Variants in ARHGAP15 observed in about 807,000 individuals in gnomAD.
The protein encoded by ARHGAP15 is rho GTPase-activating protein 15.
A neutral mutation model predicts 63.7 loss-of-function variants in ARHGAP15; 51 were observed. That is an observed-to-expected ratio of 0.80 (90% CI 0.64 to 1.01). ARHGAP15 has a LOEUF of 1.01. Among genes scored for constraint, ARHGAP15 ranks in the 50% least tolerant of loss-of-function variants. The pLI, the probability that ARHGAP15 is intolerant of heterozygous loss-of-function variation, is 0.00. For missense variants in ARHGAP15, 560 were observed against 564.6 expected (o/e 0.99, Z 0.08); for synonymous variants, 191 against 193.8 (o/e 0.99, Z 0.12).
At chr2:143,326,716 T>A (rs1322094650) in intron 6 of ARHGAP15, among the ~76,000 whole-genome samples, 1 of 152,106 alleles carries the variant, frequency 6.6e-6, no homozygotes, top group Admixed American at 6.6e-5. Context: ...AAAGCAACAC[T>A]CCTTCATGCT....
At chr2:143,719,589 C>T (rs928272675) in intron 13 of ARHGAP15, among the ~76,000 whole-genome samples, 11 of 152,172 alleles carry the variant, frequency 7.2e-5, no homozygotes, top group African/African-American at 2.4e-4. Flanking sequence ...TCCAGAGCCA[C>T]GTACTTCCCC....
chr2:143,619,667 A>G (rs375830941), intron 11 of ARHGAP15, among the ~76,000 whole-genome samples: 1 of 152,032 alleles, frequency 6.6e-6, no homozygotes, highest in East Asian at 1.9e-4. Context: ...TGGGGGAGGG[A>G]CCTGGTGGGA....
chr2:143,465,739 T>G (rs1229488214), intron 8 of ARHGAP15, among the ~76,000 whole-genome samples: 4 of 152,138 alleles, frequency 2.6e-5, no homozygotes, highest in African/African-American at 9.6e-5. Flanking sequence ...TCACTACTTT[T>G]TGACATGTCG....
At chr2:143,728,241 C>CT (rs748061762) in intron 13 of ARHGAP15, among the ~76,000 whole-genome samples, 4 of 152,110 alleles carry the variant, frequency 2.6e-5, no homozygotes, top group Non-Finnish European at 5.9e-5. Flanking sequence ...TACTTTTGTG[C>CT]TTTTTTTCCC....
intron 2 of ARHGAP15, among the ~76,000 whole-genome samples, chr2:143,178,120 C>A (rs1691079920): frequency 6.6e-6 from 1 of 152,090 alleles, no homozygotes; most frequent in Admixed American, 6.6e-5. Flanking sequence ...GCAAACGAAG[C>A]CTCTGCTTTC....
At chr2:143,319,805 A>G (rs1160164165) in intron 6 of ARHGAP15, among the ~76,000 whole-genome samples, 2 of 152,182 alleles carry the variant, frequency 1.3e-5, no homozygotes, top group East Asian at 3.9e-4. Context: ...AAAAATAATA[A>G]ATAACAGGTG....
In ARHGAP15 at chr2:143,211,185, A is replaced by G. The variant is rs137941201; in HGVS notation, c.235-5199A>G. Among the ~76,000 whole-genome samples, 163 of 152,258 alleles carry G rather than the reference A, an allele frequency of 1.1e-3. 1 individual carries two copies. Among genetic ancestry groups the G allele is most frequent in the African/African-American group, 3.9e-3 (160 of 41,554 alleles). The stretch of plus-strand genomic sequence containing the variant: ...GCATGAATAGCAGAGACAGTATGGG[A>G]ATAAGTGAATATTGAGAAGAAAATG... On this transcript the variant is annotated intron_variant, in intron 3 of 13. Transcript: ENST00000295095.
chr2:143,233,983 C>T (rs1280012432), intron 5 of ARHGAP15, among the ~76,000 whole-genome samples: 1 of 151,868 alleles, frequency 6.6e-6, no homozygotes, highest in African/African-American at 2.4e-5. Flanking sequence ...TTTTACATTC[C>T]CTCTCTCATT....
chr2:143,195,936 C>T lies in ARHGAP15; in HGVS notation c.166-6198C>T, dbSNP rs539442655. On this transcript the variant is annotated intron_variant, in intron 2 of 13. Coordinates refer to ENST00000295095, the MANE Select transcript of ARHGAP15 (RefSeq NM_018460.4). ...TATTTTTACAGTATGTAATATATCA[C>T]ATACTAATCCCACCCATCAGTTTCA... 3.9e-5 allele frequency among the ~76,000 whole-genome samples: 6 copies of T among 152,138 alleles called. No homozygotes were observed. In the East Asian group the frequency reaches 7.7e-4, roughly 20 times the overall value.
rs542840912 is a variant in ARHGAP15 at position 143,155,549 on chromosome 2, G to T, written c.59G>T (p.Gly20Val). 12 of 1,608,802 alleles carry T rather than the reference G, an allele frequency of 7.5e-6. No individual in the cohort carries two copies. The East Asian group carries it at 2.5e-4, about 33-fold the overall frequency. Reference sequence around the variant, plus strand: ...GAAACACTGAATTCTACCCGCCAAGGCACAGGAGCTGTGCAAATGAGAATC... The same window carrying T: ...GAAACACTGAATTCTACCCGCCAAGTCACAGGAGCTGTGCAAATGAGAATC... ...SVETLNSTRQ[G>V]TGAVQMRIKN... Residue 20 changes from glycine to valine, a missense_variant, in exon 2 of 14, where the codon GGC (glycine) becomes GTC (valine). Physicochemically the swap from Gly to Val is moderately radical, Grantham distance 109. Transcript: ENST00000295095.
At chr2:143,644,549 C>A (rs1680774916) in intron 12 of ARHGAP15, among the ~76,000 whole-genome samples, 1 of 152,016 alleles carries the variant, frequency 6.6e-6, no homozygotes, top group Non-Finnish European at 1.5e-5. Flanking sequence ...TGCCAAAGGA[C>A]CATACTTGGA....
intron 13 of ARHGAP15, among the ~76,000 whole-genome samples, chr2:143,710,971 T>C (rs1684554583): frequency 6.6e-6 from 1 of 152,224 alleles, no homozygotes; most frequent in South Asian, 2.1e-4. Context: ...CTCAAATGAG[T>C]GCCTGCTATA....
At chr2:143,219,893 C>T (rs1463364209) in intron 4 of ARHGAP15, among the ~76,000 whole-genome samples, 1 of 152,096 alleles carries the variant, frequency 6.6e-6, no homozygotes, top group Non-Finnish European at 1.5e-5. Context: ...TATTGAGTTT[C>T]CTGCTTTTTT....
At chr2:143,599,593 C>T (rs1049782320) in intron 11 of ARHGAP15, among the ~76,000 whole-genome samples, 1 of 151,978 alleles carries the variant, frequency 6.6e-6, no homozygotes, top group African/African-American at 2.4e-5. Context: ...TATTGTCAAT[C>T]AGAAACAAAT....
At chr2:143,448,150 A>G (rs926490415) in intron 8 of ARHGAP15, among the ~76,000 whole-genome samples, 8 of 152,172 alleles carry the variant, frequency 5.3e-5, no homozygotes, top group Non-Finnish European at 1.2e-4. Context: ...GGAAAGAACC[A>G]TAGAGCATAA....
chr2:143,434,059 C>T (rs978205396), intron 6 of ARHGAP15, among the ~76,000 whole-genome samples: 1 of 152,048 alleles, frequency 6.6e-6, no homozygotes, highest in Non-Finnish European at 1.5e-5. Context: ...CAAACATCAC[C>T]TGAGCTGTCT....
At chr2:143,559,423 G>A (rs1300373513) in intron 11 of ARHGAP15, among the ~76,000 whole-genome samples, 1 of 152,176 alleles carries the variant, frequency 6.6e-6, no homozygotes, top group Non-Finnish European at 1.5e-5. Context: ...GCACAGAATT[G>A]TCAGTAAACT....
At chr2:143,382,200 T>C (rs544973703) in intron 6 of ARHGAP15, among the ~76,000 whole-genome samples, 1 of 151,644 alleles carries the variant, frequency 6.6e-6, no homozygotes, top group East Asian at 2.0e-4. Context: ...TGTACTAATA[T>C]CCTAAGGCTA....
rs11898062 is a variant in ARHGAP15, at chr2:143,318,936, C to T, written c.474+68336C>T. Among the ~76,000 whole-genome samples, 113 of 152,186 alleles carry T rather than the reference C, an allele frequency of 7.4e-4. 1 individual carries two copies. The highest frequency in any genetic ancestry group is 2.6e-3 in the African/African-American group (107 of 41,556). On this transcript the variant is annotated intron_variant, in intron 6 of 13. Transcript: ENST00000295095. ...AATAAGCATTCAAATGATCAGGTTC[C>T]GAAAACTCCCGCGCAAATATCTTAT... is the stretch of plus-strand genomic sequence containing the variant.
Sources: gnomAD v4.1 joint callset for allele counts (sites outside exome capture counted in the v4.1 genomes callset) on GRCh38, gnomAD v4.1.1 for gene constraint, MANE v1.5 for transcripts, NCBI Gene and HGNC (gene_info 2026-07-23, HGNC 2026-07-21) for gene names.